SIN3A: variants seen among roughly 807,000 people sequenced by gnomAD.
The protein encoded by SIN3A is paired amphipathic helix protein Sin3a.
A neutral mutation model predicts 146.1 loss-of-function variants in SIN3A; 14 were observed. That is an observed-to-expected ratio of 0.10 (90% CI 0.06 to 0.15). The LOEUF (loss-of-function observed/expected upper bound fraction) is 0.15, where lower values mean the gene tolerates loss of function less well. Ranked by LOEUF, SIN3A falls within the 10% of genes least tolerant of loss-of-function variation. The pLI, the probability that SIN3A is intolerant of heterozygous loss-of-function variation, is 1.00. For synonymous variants in SIN3A, 572 were observed against 572.0 expected (o/e 1.00, Z 0.00); for missense variants, 1,028 against 1,576.0 (o/e 0.65, Z 5.89).
At chr15:75,449,453 AC>A (rs1423161512) in intron 1 of SIN3A, among the ~76,000 whole-genome samples, 3 of 152,344 alleles carry the variant, frequency 2.0e-5, no homozygotes, top group African/African-American at 7.2e-5. Context: ...AATGTGAAAA[AC>A]ATTGAAATAA....
At chr15:75,436,684 C>G (rs76343573) in intron 1 of SIN3A, among the ~76,000 whole-genome samples, 1 of 151,588 alleles carries the variant, frequency 6.6e-6, no homozygotes, top group South Asian at 2.1e-4. Flanking sequence ...TACTAAAATT[C>G]TATCAACTTT....
At chr15:75,382,987 C>T (rs1191862027) in intron 17 of SIN3A, among the ~76,000 whole-genome samples, 7 of 151,786 alleles carry the variant, frequency 4.6e-5, no homozygotes, top group African/African-American at 9.7e-5. Context: ...CTCAGGAGGC[C>T]GAGGCAGGAG....
At chr15:75,445,571 A>AAAATAAAT (rs142196101) in intron 1 of SIN3A, among the ~76,000 whole-genome samples, 8 of 150,526 alleles carry the variant, frequency 5.3e-5, no homozygotes, top group African/African-American at 7.3e-5. Flanking sequence ...ACTCCGTCTC[A>AAAATAAAT]AAATAAATAA....
chr15:75,410,621 G>C (rs1427504231), intron 6 of SIN3A, among the ~76,000 whole-genome samples: 1 of 151,562 alleles, frequency 6.6e-6, no homozygotes, highest in Non-Finnish European at 1.5e-5. Flanking sequence ...AAATATTAAT[G>C]CCCAGGGGAC....
intron 9 of SIN3A, among the ~76,000 whole-genome samples, chr15:75,403,117 G>A (rs2073442136): frequency 6.6e-6 from 1 of 151,672 alleles, no homozygotes; most frequent in Admixed American, 6.6e-5. Flanking sequence ...TTACTATTCT[G>A]TTTATGTATG....
chr15:75,389,861 A>C, intron 15 of SIN3A, 40 bp from the exon 16 acceptor site: 1 of 1,600,358 alleles, frequency 6.2e-7, no homozygotes, highest in Non-Finnish European at 8.5e-7. Flanking sequence ...TACCTTGCTA[A>C]GAAAAGACTA....
chr15:75,448,845 T>C (rs2074352983), intron 1 of SIN3A, among the ~76,000 whole-genome samples: 1 of 152,212 alleles, frequency 6.6e-6, no homozygotes, highest in Non-Finnish European at 1.5e-5. Context: ...ACCAGGAATC[T>C]TGTCAAATTA....
Position 75,400,811 on chromosome 15 carries a change from T to C in SIN3A, c.1656A>G (p.Lys552=). 2 of 1,614,120 alleles carry C rather than the reference T, an allele frequency of 1.2e-6. No homozygotes were observed. The highest frequency in any genetic ancestry group is 8.5e-7 in the Non-Finnish European group (1 of 1,180,012). ...AGGCTCGATAGCTGGAGCCCAATCG[T>C]TTACAAGAAGCATAATCTATCTCCA... ...IAMEIDYASC[K]RLGSSYRALP... The change falls in exon 11 of 21, where the codon AAA becomes AAG. Residue 552 remains lysine, a synonymous_variant. Transcript: ENST00000394947.
At position 75,377,624 on chromosome 15, in the gene SIN3A, C is replaced by CA. The variant is rs531657362; in HGVS notation, c.3384-1753dup. Reference sequence around the variant, plus strand: ...TGGGCAACAGAGTGAGACTCTGCCTCAAAAAAAAAAAAAGAAAAAAAAAGT... The same window carrying CA: ...TGGGCAACAGAGTGAGACTCTGCCTCAAAAAAAAAAAAAAGAAAAAAAAAGT... On this transcript the variant is annotated intron_variant, in intron 19 of 20. Transcript: ENST00000394947. 4.7e-3 allele frequency among the ~76,000 whole-genome samples: 509 copies of CA among 109,274 alleles called. 1 individual carries two copies. The highest frequency in any genetic ancestry group is 0.012 in the Admixed American group (120 of 10,322). The allele number at this position is 109,274 out of a possible 152,430, so 71.7% of individuals were successfully genotyped here.
At position 75,433,158 on chromosome 15, in the gene SIN3A, G is replaced by A. The variant is rs537008862; in HGVS notation, c.-33-2750C>T. On this transcript the variant is annotated intron_variant, in intron 1 of 20. Coordinates refer to ENST00000394947, the MANE Select transcript of SIN3A (RefSeq NM_001145358.2). ...TTTAAGAACTGGATTCTGTTGGATG[G>A]GAGAATGTTTGAGGGCAAAAAATAA... is the stretch of plus-strand genomic sequence containing the variant. Among the ~76,000 whole-genome samples the A allele has an allele frequency of 7.9e-5, 12 of 152,232 alleles. No individual in the cohort carries two copies. The South Asian group carries it at 2.3e-3, about 29-fold the overall frequency.
chr15:75,440,030 A>G (rs1270901118), intron 1 of SIN3A, among the ~76,000 whole-genome samples: 12 of 151,642 alleles, frequency 7.9e-5, no homozygotes, highest in African/African-American at 2.9e-4. Flanking sequence ...GGGCGCCTGT[A>G]ATCCCAGCAA....
At chr15:75,391,775 A>G (rs2073207494) in intron 15 of SIN3A, among the ~76,000 whole-genome samples, 1 of 152,154 alleles carries the variant, frequency 6.6e-6, no homozygotes. Context: ...TCTCCTTTCC[A>G]TAAACTATTT....
chr15:75,407,086 C>T lies in SIN3A; in HGVS notation c.1376G>A (p.Gly459Asp). The T allele has an allele frequency of 6.2e-7, 1 of 1,613,046 alleles. No individual in the cohort carries two copies. The change falls in exon 9 of 21, where the codon GGT becomes GAT. Residue 459 changes from glycine (G) to aspartate (D), a missense_variant. This residue lies in a region of SIN3A where 62 missense variants were observed against 63.5 expected (regional missense o/e 0.98). Transcript: ENST00000394947. ...DSSMADASKH[G>D]GGTESLFFDK... ...AAAAAATAACGATTCTGTTCCACCACCATGTTTGCTGGCATCTGCCATAGA... is the reference window on the plus strand; with the variant it reads ...AAAAAATAACGATTCTGTTCCACCATCATGTTTGCTGGCATCTGCCATAGA...
upstream of SIN3A, chr15:75,453,023 C>A (rs1413961912): frequency 6.6e-6 from 1 of 152,222 alleles, no homozygotes; most frequent in Non-Finnish European, 1.5e-5. Flanking sequence ...TGACGCTGAT[C>A]TTACTTTGGG....
intron 3 of SIN3A, chr15:75,415,888 GGA>G: frequency 4.3e-6 from 1 of 233,864 alleles, no homozygotes; most frequent in Non-Finnish European, 8.4e-6. Flanking sequence ...CCCCTGCAAA[GGA>G]GAGAGAGGAG....
chr15:75,380,421 T>A (rs1266361541), intron 19 of SIN3A, among the ~76,000 whole-genome samples: 3 of 152,216 alleles, frequency 2.0e-5, no homozygotes, highest in Non-Finnish European at 4.4e-5. Flanking sequence ...TATTGTTGAT[T>A]CTCTACAACT....
At chr15:75,432,249 A>G (rs1323252122) in intron 1 of SIN3A, among the ~76,000 whole-genome samples, 1 of 152,190 alleles carries the variant, frequency 6.6e-6, no homozygotes, top group African/African-American at 2.4e-5. Context: ...TGAGGAACTG[A>G]GTCTAATCAC....
In SIN3A at chr15:75,409,976, T is replaced by C. The variant is rs774759370; in HGVS notation, c.1177A>G (p.Thr393Ala). 5.0e-6 allele frequency: 8 copies of C among 1,614,064 alleles called. No individual in the cohort carries two copies. Among genetic ancestry groups the C allele is most frequent in the East Asian group, 2.2e-5 (1 of 44,892 alleles). The change falls in exon 8 of 21, where the codon ACT becomes GCT. Residue 393 changes from threonine (T) to alanine (A), a missense_variant. Thr to Ala is a moderately conservative substitution (Grantham distance 58, BLOSUM62 0). Transcript: ENST00000394947. Reference sequence around the variant, plus strand: ...CTCACAGAATCAACCTTCTCAGCAGTTGTTTTGCTTAAAAGCTGATTAAGA... The same window carrying C: ...CTCACAGAATCAACCTTCTCAGCAGCTGTTTTGCTTAAAAGCTGATTAAGA... ...ANSSVLLSKT[T>A]AEKVDSVRND...
At chr15:75,420,450 T>A (rs2073822935) in intron 3 of SIN3A, 2 of 152,176 alleles carry the variant, frequency 1.3e-5, no homozygotes. Flanking sequence ...AGTGGTATGA[T>A]CTTGGCTTAC....
Sources: gnomAD v4.1 joint callset for allele counts (sites outside exome capture counted in the v4.1 genomes callset) on GRCh38, gnomAD v4.1.1 for gene constraint, gnomAD v4.1.1 regional missense constraint, MANE v1.5 for transcripts, NCBI Gene and HGNC (gene_info 2026-07-23, HGNC 2026-07-21) for gene names.